CXCL13: variants seen among roughly 807,000 people sequenced by gnomAD.
CXCL13 encodes C-X-C motif chemokine ligand 13, also known as C-X-C motif chemokine 13.
In CXCL13, 7 loss-of-function variants were observed where a neutral mutation model predicts 12.2. That is an observed-to-expected ratio of 0.57 (90% CI 0.33 to 1.07). CXCL13 has a LOEUF of 1.07. CXCL13 is among the 50% of genes least tolerant of loss of function. CXCL13 has a pLI of 0.04. For missense variants in CXCL13, 113 were observed against 127.4 expected, an observed-to-expected ratio of 0.89 and a Z score of 0.55; for synonymous variants, 47 against 42.4, an observed-to-expected ratio of 1.11 and a Z score of -0.42.
rs1578074384 is a variant in CXCL13, at chr4:77,605,909, G to A, written c.44G>A (p.Ser15Asn). ...STSLLLMLLV[S>N]SLSPVQGVLE... ...TCTCTGCTTCTCATGCTGCTGGTCA[G>A]CAGCCTCTCTCCAGTCCAAGGTGAG... Residue 15 changes from serine (S) to asparagine (N), a missense_variant, in exon 1 of 4, where the codon AGC (serine) becomes AAC (asparagine). Transcript: ENST00000682537. The A allele has an allele frequency of 1.9e-6, 3 of 1,605,702 alleles. No homozygotes were observed. Among genetic ancestry groups the A allele is most frequent in the Non-Finnish European group, 2.6e-6 (3 of 1,174,560 alleles).
At chr4:77,572,189 T>C (rs1726102854) in intron 1 of CXCL13, among the ~76,000 whole-genome samples, 1 of 151,804 alleles carries the variant, frequency 6.6e-6, no homozygotes, top group Admixed American at 6.5e-5. Flanking sequence ...TCACCTGAGG[T>C]CAGGAGTTCA....
chr4:77,595,160 GC>G (rs1726718970), intron 1 of CXCL13, among the ~76,000 whole-genome samples: 1 of 150,376 alleles, frequency 6.6e-6, no homozygotes, highest in Admixed American at 6.6e-5. Flanking sequence ...AGGCAGCATG[GC>G]CCCCTAGTTT....
intron 1 of CXCL13, among the ~76,000 whole-genome samples, chr4:77,594,098 G>A (rs910552836): frequency 2.6e-5 from 4 of 152,208 alleles, no homozygotes; most frequent in African/African-American, 4.8e-5. Context: ...ACATGCTGCA[G>A]GTGTAAGTGT....
chr4:77,515,008 T>C (rs1307589100), intron 1 of CXCL13, among the ~76,000 whole-genome samples: 1 of 152,130 alleles, frequency 6.6e-6, no homozygotes, highest in Non-Finnish European at 1.5e-5. Flanking sequence ...GGGATCCAGT[T>C]TCAGCTTTCT....
At chr4:77,542,542 C>T (rs1406873603) in intron 1 of CXCL13, among the ~76,000 whole-genome samples, 1 of 152,098 alleles carries the variant, frequency 6.6e-6, no homozygotes, top group Non-Finnish European at 1.5e-5. Context: ...ATCCAATCAC[C>T]TTCCACCAGG....
chr4:77,587,953 G>A (rs1256045989), intron 1 of CXCL13, among the ~76,000 whole-genome samples: 1 of 152,206 alleles, frequency 6.6e-6, no homozygotes, highest in Admixed American at 6.5e-5. Flanking sequence ...CAAGTGACCA[G>A]CACTTGTCAC....
At chr4:77,589,051 T>G (rs1726548008) in intron 1 of CXCL13, among the ~76,000 whole-genome samples, 1 of 152,212 alleles carries the variant, frequency 6.6e-6, no homozygotes, top group African/African-American at 2.4e-5. Context: ...CTTTTGCAAT[T>G]TATAGAAATG....
At chr4:77,550,291 G>A (rs1454088051) in intron 1 of CXCL13, among the ~76,000 whole-genome samples, 1 of 152,140 alleles carries the variant, frequency 6.6e-6, no homozygotes, top group Non-Finnish European at 1.5e-5. Flanking sequence ...AACCCCTTTT[G>A]CTTCTTGGGT....
chr4:77,544,886 C>A (rs1725313512), intron 1 of CXCL13, among the ~76,000 whole-genome samples: 1 of 152,202 alleles, frequency 6.6e-6, no homozygotes, highest in South Asian at 2.1e-4. Context: ...TTAGGTCTAA[C>A]ATGCAAGTCT....
intron 1 of CXCL13, among the ~76,000 whole-genome samples, chr4:77,563,585 G>A (rs564165249): frequency 1.3e-5 from 2 of 152,266 alleles, no homozygotes; most frequent in Admixed American, 6.5e-5. Context: ...AAGAAAAGAA[G>A]CACTGAAAAG....
intron 1 of CXCL13, among the ~76,000 whole-genome samples, chr4:77,540,270 T>G (rs1237949401): frequency 6.6e-6 from 1 of 152,160 alleles, no homozygotes; most frequent in Admixed American, 6.5e-5. Context: ...TAATTTCAAC[T>G]TTTATTTTGG....
intron 1 of CXCL13, among the ~76,000 whole-genome samples, chr4:77,517,959 C>T (rs914017144): frequency 6.6e-5 from 10 of 152,148 alleles, no homozygotes; most frequent in African/African-American, 2.2e-4. Context: ...TTGTTCCTTT[C>T]CACGTTTAGT....
intron 1 of CXCL13, among the ~76,000 whole-genome samples, chr4:77,515,337 T>C (rs1724388106): frequency 6.6e-6 from 1 of 152,080 alleles, no homozygotes; most frequent in Non-Finnish European, 1.5e-5. Context: ...TTTCCAATTC[T>C]GTGAAGAAAG....
chr4:77,586,699 C>T (rs1680030279), intron 1 of CXCL13, among the ~76,000 whole-genome samples: 1 of 152,160 alleles, frequency 6.6e-6, no homozygotes, highest in African/African-American at 2.4e-5. Flanking sequence ...ATTTTCCTGG[C>T]TTCAGTGGAA....
chr4:77,592,231 T>C (rs1053336992), intron 1 of CXCL13, among the ~76,000 whole-genome samples: 1 of 152,250 alleles, frequency 6.6e-6, no homozygotes, highest in Non-Finnish European at 1.5e-5. Context: ...GTGGTGCTTA[T>C]ACACAATAGA....
At chr4:77,520,477 A>AT (rs1724564309) in intron 1 of CXCL13, among the ~76,000 whole-genome samples, 1 of 152,140 alleles carries the variant, frequency 6.6e-6, no homozygotes, top group Non-Finnish European at 1.5e-5. Context: ...TTTTGCAGCA[A>AT]TTGTGAATGG....
chr4:77,513,638 G>A (rs1360506994), intron 1 of CXCL13, among the ~76,000 whole-genome samples: 2 of 151,912 alleles, frequency 1.3e-5, no homozygotes, highest in African/African-American at 4.8e-5. Flanking sequence ...CTTTTTAGTA[G>A]AGTCGGGGTT....
rs191795325 is a variant in CXCL13 at position 77,568,251 on chromosome 4, C to T, written c.-42-37573C>T. Among the ~76,000 whole-genome samples the T allele has an allele frequency of 2.7e-3, 411 of 152,314 alleles. 3 individuals carry two copies. Among genetic ancestry groups the T allele is most frequent in the African/African-American group, 9.4e-3 (392 of 41,562 alleles). ...TATCTTCTATTTTGGCTCCTCTGTC[C>T]TTTCCTGTATTCTTTATTTTGGACA... On this transcript the variant is annotated intron_variant, in intron 1 of 4. Transcript: ENST00000286758.
At chr4:77,551,701 T>C (rs1368322707) in intron 1 of CXCL13, among the ~76,000 whole-genome samples, 1 of 152,206 alleles carries the variant, frequency 6.6e-6, no homozygotes, top group Non-Finnish European at 1.5e-5. Flanking sequence ...TTTCTTTTTT[T>C]CCATTTCTCT....
Sources: allele counts gnomAD v4.1 joint callset (sites outside exome capture counted in the v4.1 genomes callset), GRCh38; gene constraint gnomAD v4.1.1; transcripts MANE v1.5; gene names NCBI Gene and HGNC (gene_info 2026-07-23, HGNC 2026-07-21).